PBX1: variants seen among roughly 807,000 people sequenced by gnomAD.
PBX1 encodes pre-B-cell leukemia transcription factor 1.
In PBX1, 6 loss-of-function variants were observed where a neutral mutation model predicts 53.4. The observed-to-expected ratio is 0.11, with a 90% confidence interval of 0.06 to 0.22. The LOEUF (loss-of-function observed/expected upper bound fraction) is 0.22, where lower values mean the gene tolerates loss of function less well. Among genes scored for constraint, PBX1 ranks in the 10% least tolerant of loss-of-function variants. PBX1 has a pLI of 1.00. For synonymous variants in PBX1, 204 were observed against 212.3 expected (o/e 0.96, Z 0.34); for missense variants, 251 against 551.4 (o/e 0.46, Z 5.46).
At chr1:164,820,301 C>A in intron 7 of PBX1, 117 bp downstream of exon 7, 1 of 635,892 alleles carries the variant, frequency 1.6e-6, no homozygotes. Context: ...AGAACCAAAA[C>A]CTTACCAACG....
intron 2 of PBX1, among the ~76,000 whole-genome samples, chr1:164,862,446 C>T (rs947943710): frequency 9.9e-5 from 15 of 152,130 alleles, no homozygotes; most frequent in Non-Finnish European, 5.9e-5. Context: ...GGCTCTCTTC[C>T]GAACCAAGAA....
Position 164,601,217 on chromosome 1 carries a change from C to G in PBX1, c.265+37906C>G, listed in dbSNP as rs185750437. On this transcript the variant is annotated intron_variant, in intron 2 of 8. Coordinates refer to ENST00000420696, the MANE Select transcript of PBX1 (RefSeq NM_002585.4). The stretch of plus-strand genomic sequence containing the variant: ...TGCCATTGCACTCCAGCCTGGGCGA[C>G]AGAGCAAGATTCTGTCTCAAAAAAA... 5.4e-3 allele frequency among the ~76,000 whole-genome samples: 608 copies of G among 111,600 alleles called. 4 individuals are homozygous for G. Among genetic ancestry groups the G allele is most frequent in the Non-Finnish European group, 7.5e-3 (460 of 60,948 alleles). 73.2% of individuals were successfully genotyped at this position (111,600 alleles called of 152,430 possible). A position where few individuals can be genotyped will look rare whatever the true frequency, so the allele number is the denominator to read the frequency against.
chr1:164,681,864 A>G (rs1322004778), intron 2 of PBX1, among the ~76,000 whole-genome samples: 3 of 152,182 alleles, frequency 2.0e-5, no homozygotes, highest in African/African-American at 4.8e-5. Flanking sequence ...TTTGTCCTCA[A>G]TGTTTTGATA....
chr1:164,618,435 G>A (rs940877740), intron 2 of PBX1, among the ~76,000 whole-genome samples: 17 of 121,764 alleles, frequency 1.4e-4, no homozygotes, highest in Admixed American at 1.2e-3. Context: ...ACTTGCTCTT[G>A]TCTCGGTTTA....
intron 2 of PBX1, among the ~76,000 whole-genome samples, chr1:164,662,479 C>T (rs1025255287): frequency 6.6e-6 from 1 of 152,174 alleles, no homozygotes; most frequent in Non-Finnish European, 1.5e-5. Flanking sequence ...CTTTGCATTG[C>T]AACCAGTACC....
At chr1:164,679,864 A>C (rs1661650374) in intron 2 of PBX1, among the ~76,000 whole-genome samples, 1 of 152,190 alleles carries the variant, frequency 6.6e-6, no homozygotes, top group Admixed American at 6.5e-5. Context: ...TTAAAGATGG[A>C]AAACCTGAGG....
chr1:164,722,066 AG>A, intron 2 of PBX1, among the ~76,000 whole-genome samples: 1 of 152,318 alleles, frequency 6.6e-6, no homozygotes, highest in African/African-American at 2.4e-5. Flanking sequence ...GACTCTTTAC[AG>A]GTCCTGGCTC....
At chr1:164,711,465 A>T (rs1484573116) in intron 2 of PBX1, among the ~76,000 whole-genome samples, 1 of 152,108 alleles carries the variant, frequency 6.6e-6, no homozygotes, top group African/African-American at 2.4e-5. Flanking sequence ...TGGTTTCACC[A>T]TGTTAGCCAT....
chr1:164,750,420 C>A (rs1666139837), intron 2 of PBX1, among the ~76,000 whole-genome samples: 1 of 151,950 alleles, frequency 6.6e-6, no homozygotes, highest in Non-Finnish European at 1.5e-5. Context: ...TCACTGACTA[C>A]AATAAGAAAC....
At chr1:164,589,311 G>A (rs1378110313) in intron 2 of PBX1, among the ~76,000 whole-genome samples, 2 of 152,058 alleles carry the variant, frequency 1.3e-5, no homozygotes, top group African/African-American at 2.4e-5. Context: ...GGTTTCATCT[G>A]GTTTCTGTTT....
intron 2 of PBX1, among the ~76,000 whole-genome samples, chr1:164,648,453 T>C (rs556956085): frequency 6.6e-6 from 1 of 152,334 alleles, no homozygotes; most frequent in Admixed American, 6.5e-5. Flanking sequence ...GTTAGCCACA[T>C]GCCAGCTACC....
chr1:164,818,339 A>C (rs1669974760), intron 6 of PBX1: 1 of 152,178 alleles, frequency 6.6e-6, no homozygotes, highest in Non-Finnish European at 1.5e-5. Flanking sequence ...TATAAGCCAC[A>C]CCTGGCCAGA....
intron 2 of PBX1, chr1:164,674,826 T>C (rs1264445724): frequency 7.3e-6 from 1 of 137,852 alleles, no homozygotes; most frequent in Non-Finnish European, 1.5e-5. Flanking sequence ...AGTGAGTATT[T>C]AGTTAGAGGA....
chr1:164,873,701 A>G (rs768924957), intron 2 of PBX1, among the ~76,000 whole-genome samples: 2 of 152,212 alleles, frequency 1.3e-5, no homozygotes, highest in African/African-American at 4.8e-5. Flanking sequence ...TATTCTCTCA[A>G]CCACCGCACA....
intron 2 of PBX1, among the ~76,000 whole-genome samples, chr1:164,880,709 C>T (rs1044475077): frequency 3.3e-5 from 5 of 152,198 alleles, no homozygotes; most frequent in Admixed American, 3.3e-4. Flanking sequence ...GGAAGAGCCA[C>T]TGTCACTCTT....
At position 164,793,081 on chromosome 1, in the gene PBX1, G is replaced by A. The variant is rs528328121; in HGVS notation, c.510+343G>A. Reference sequence around the variant, plus strand: ...GTGCAGGCCTGGCTCTCATCCGGGCGCTATAGGTGATCAGCAGAGTCACCA... The same window carrying A: ...GTGCAGGCCTGGCTCTCATCCGGGCACTATAGGTGATCAGCAGAGTCACCA... On this transcript the variant is annotated intron_variant, in intron 3 of 8. Coordinates refer to ENST00000420696, the MANE Select transcript of PBX1 (RefSeq NM_002585.4). Among the ~76,000 whole-genome samples the A allele has an allele frequency of 1.1e-4, 16 of 152,316 alleles. 1 individual carries two copies. The South Asian group carries it at 2.7e-3, about 26-fold the overall frequency.
intron 2 of PBX1, among the ~76,000 whole-genome samples, chr1:164,781,136 C>G (rs1198591304): frequency 6.6e-6 from 1 of 152,168 alleles, no homozygotes; most frequent in Non-Finnish European, 1.5e-5. Context: ...AGGACCCTGA[C>G]TGACCTTGTA....
chr1:164,811,768 G>T (rs1669624770), intron 5 of PBX1, among the ~76,000 whole-genome samples: 1 of 152,086 alleles, frequency 6.6e-6, no homozygotes, highest in Admixed American at 6.5e-5. Context: ...TTGTCACAGT[G>T]GTTTCGCTAA....
chr1:164,620,711 C>G (rs1657611119), intron 2 of PBX1, among the ~76,000 whole-genome samples: 1 of 151,844 alleles, frequency 6.6e-6, no homozygotes, highest in Non-Finnish European at 1.5e-5. Flanking sequence ...GTGATGGAGT[C>G]TTGCTCTGTC....
Sources: allele counts gnomAD v4.1 joint callset (sites outside exome capture counted in the v4.1 genomes callset), GRCh38; gene constraint gnomAD v4.1.1; transcripts MANE v1.5; gene names NCBI Gene and HGNC (gene_info 2026-07-23, HGNC 2026-07-21).